Variants in GCGR observed in about 807,000 individuals in gnomAD.
GCGR encodes glucagon receptor.
In GCGR, 41 loss-of-function variants were observed where a neutral mutation model predicts 56.1. The observed-to-expected ratio is 0.73, with a 90% CI of 0.57 to 0.95. The LOEUF (loss-of-function observed/expected upper bound fraction) is 0.95, where lower values mean the gene tolerates loss of function less well. Among genes scored for constraint, GCGR ranks in the 40% least tolerant of loss-of-function variants. GCGR has a pLI of 0.00. For synonymous variants in GCGR, 278 were observed against 271.1 expected (o/e 1.03, Z -0.25); for missense variants, 595 against 638.2 (o/e 0.93, Z 0.73).
chr17:81,809,513 GT>G (rs2038043061), intron 2 of GCGR, among the ~76,000 whole-genome samples: 1 of 111,726 alleles, frequency 9.0e-6, no homozygotes, highest in African/African-American at 2.8e-5. Flanking sequence ...CTGCCTGCCT[GT>G]CTGCCTGCCT....
At chr17:81,809,965 T>G in intron 3 of GCGR, 81 bp downstream of exon 3, 1 of 1,116,454 alleles carries the variant, frequency 9.0e-7, no homozygotes, top group Non-Finnish European at 1.3e-6. Flanking sequence ...GGTTCCTGGG[T>G]GCTTATGCAG....
chr17:81,813,707 G>T lies in GCGR; in HGVS notation c.*18G>T. 6.5e-7 allele frequency: 1 copy of T among 1,531,892 alleles called. No homozygotes were observed. The highest frequency in any genetic ancestry group is 1.2e-5 in the South Asian group (1 of 83,930). The allele number at this position is 1,531,892 out of a possible 1,614,324, so 94.9% of individuals were successfully genotyped here. On this transcript the variant is annotated 3_prime_UTR_variant, in exon 14 of 14. Transcript: ENST00000400723. This position sits in a 1 kb window ranked among gnomAD's most constrained non-coding sequence, Gnocchi z 5.3. ...CCTTCTGAACCCTGCTGGGACCCCA[G>T]CTAGGGCTGGACTCTGGCACCCAGA...
At position 81,806,352 on chromosome 17, in the gene GCGR, G is replaced by T. The variant is rs1051093158; in HGVS notation, c.-178+2103G>T. On this transcript the variant is annotated intron_variant, in intron 1 of 13. Transcript: ENST00000400723. The surrounding 1 kb of genome is among the most constrained non-coding windows in gnomAD (Gnocchi z 6.5). ...GACCCCTAGGGATCCGGGACTAGGGGTGCCCTATGGGGAGCCCACCTGTGG... is the reference window on the plus strand; with the variant it reads ...GACCCCTAGGGATCCGGGACTAGGGTTGCCCTATGGGGAGCCCACCTGTGG... Among the ~76,000 whole-genome samples the T allele has an allele frequency of 1.6e-4, 25 of 152,262 alleles. No homozygotes were observed. The highest frequency in any genetic ancestry group is 5.5e-4 in the African/African-American group (23 of 41,564).
At chr17:81,809,402 TCTGC>T (rs1568250474) in intron 2 of GCGR, among the ~76,000 whole-genome samples, 1 of 137,086 alleles carries the variant, frequency 7.3e-6, no homozygotes, top group African/African-American at 2.8e-5. Flanking sequence ...CGTCTGCCTG[TCTGC>T]CTGTCCGTCT....
Position 81,811,683 on chromosome 17 carries a change from C to T in GCGR, c.690C>T (p.Phe230=), listed in dbSNP as rs931286195. ...AVAGCRVAAV[F]MQYGIVANYC... is the part of the protein sequence containing the mutation. ...CTGGCTGCCGTGTGGCCGCGGTGTTCATGCAATATGGCATCGTGGCCAACT... is the reference window on the plus strand; with the variant it reads ...CTGGCTGCCGTGTGGCCGCGGTGTTTATGCAATATGGCATCGTGGCCAACT... Residue 230 remains phenylalanine, a synonymous_variant, in exon 8 of 14, where the codon TTC becomes TTT. Coordinates refer to ENST00000400723, the MANE Select transcript of GCGR (RefSeq NM_000160.5). The surrounding 1 kb of genome is among the most constrained non-coding windows in gnomAD (Gnocchi z 5.8). The T allele has an allele frequency of 1.3e-6, 2 of 1,539,866 alleles. No individual in the cohort carries two copies. Among genetic ancestry groups the T allele is most frequent in the Non-Finnish European group, 8.7e-7 (1 of 1,148,982 alleles).
rs1479209657 is a variant in GCGR, at chr17:81,810,964, G to C, written c.271+32G>C. The C allele has an allele frequency of 6.5e-7, 1 of 1,533,034 alleles. No homozygotes were observed. Among genetic ancestry groups the C allele is most frequent in the Non-Finnish European group, 8.7e-7 (1 of 1,144,132 alleles). The allele number at this position is 1,533,034 out of a possible 1,614,324, so 95.0% of individuals were successfully genotyped here. ...ATAGAGGGGAGGAACTGTGGGGGGG[G>C]CGGGCCCAGGGTGGGGCTGACCCCA... is the stretch of plus-strand genomic sequence containing the variant. On this transcript the variant is annotated intron_variant, in intron 4 of 13. Coordinates refer to ENST00000400723, the MANE Select transcript of GCGR (RefSeq NM_000160.5). This position sits in a 1 kb window ranked among gnomAD's most constrained non-coding sequence, Gnocchi z 4.6.
chr17:81,809,485 G>T (rs2038041077), intron 2 of GCGR, among the ~76,000 whole-genome samples: 1 of 137,900 alleles, frequency 7.3e-6, no homozygotes, highest in Non-Finnish European at 1.6e-5. Context: ...CTGCCTGCCT[G>T]TCCGTCTGCC....
rs561673111 is a variant in GCGR, at chr17:81,806,804, C to T, written c.-177-2038C>T. 1.1e-4 allele frequency among the ~76,000 whole-genome samples: 17 copies of T among 150,658 alleles called. No homozygotes were observed. The South Asian group carries it at 3.2e-3, about 28-fold the overall frequency. ...CACGCGTCCCCCCCCACCCCCACTT[C>T]GAGGCGCCCAGGCAGGGAACAGCTC... is the stretch of plus-strand genomic sequence containing the variant. On this transcript the variant is annotated intron_variant, in intron 1 of 13. Coordinates refer to ENST00000400723, the MANE Select transcript of GCGR (RefSeq NM_000160.5). This position sits in a 1 kb window ranked among gnomAD's most constrained non-coding sequence, Gnocchi z 6.5.
chr17:81,808,794 C>G, intron 1 of GCGR, 48 bp from the exon 2 acceptor site: 1 of 593,906 alleles, frequency 1.7e-6, no homozygotes, highest in Non-Finnish European at 3.0e-6. Context: ...TCTGGGATTA[C>G]AGGCGTGAGC....
rs375269748 is a variant in GCGR, at chr17:81,807,721, G to A, written c.-177-1121G>A. On this transcript the variant is annotated intron_variant, in intron 1 of 13. Transcript: ENST00000400723. ...CGGGGGCTCATAGCCAGCCACTCGC[G>A]GGACCCCGCACATGCACGTGGACCC... Among the ~76,000 whole-genome samples, 109 of 152,336 alleles carry A rather than the reference G, an allele frequency of 7.2e-4. 3 individuals carry two copies. In the East Asian group the frequency reaches 0.017, roughly 23 times the overall value.
chr17:81,812,424 C>T lies in GCGR; in HGVS notation c.949-153C>T, dbSNP rs984239439. On this transcript the variant is annotated intron_variant, in intron 10 of 13. Coordinates refer to ENST00000400723, the MANE Select transcript of GCGR (RefSeq NM_000160.5). This position sits in a 1 kb window ranked among gnomAD's most constrained non-coding sequence, Gnocchi z 8.5. Reference sequence around the variant, plus strand: ...TGGACACTGAGCCAGGCTGTTCCTCCCTGGCTGTGTGCCCACCAGCCCCAG... The same window carrying T: ...TGGACACTGAGCCAGGCTGTTCCTCTCTGGCTGTGTGCCCACCAGCCCCAG... The T allele has an allele frequency of 2.0e-5, 21 of 1,047,696 alleles. No homozygotes were observed. The highest frequency in any genetic ancestry group is 2.9e-5 in the Non-Finnish European group (21 of 726,568). 64.9% of individuals were successfully genotyped at this position (1,047,696 alleles called of 1,614,324 possible).
rs770253303 is a variant in GCGR, at chr17:81,810,176, C to A, written c.163+292C>A. 1.9e-4 allele frequency: 95 copies of A among 497,728 alleles called. No individual in the cohort carries two copies. The highest frequency in any genetic ancestry group is 3.0e-4 in the Non-Finnish European group (82 of 270,634). 30.8% of individuals were successfully genotyped at this position (497,728 alleles called of 1,614,324 possible). A position where few individuals can be genotyped will look rare whatever the true frequency, so the allele number is the denominator to read the frequency against. On this transcript the variant is annotated intron_variant, in intron 3 of 13. Coordinates refer to ENST00000400723, the MANE Select transcript of GCGR (RefSeq NM_000160.5). This position sits in a 1 kb window ranked among gnomAD's most constrained non-coding sequence, Gnocchi z 4.6. ...CCAGATGGGTAATACCACCTACAGCCCCGTGGAGTTTTCAGTGGGCAGACA... is the reference window on the plus strand; with the variant it reads ...CCAGATGGGTAATACCACCTACAGCACCGTGGAGTTTTCAGTGGGCAGACA...
In GCGR at chr17:81,812,547, A is replaced by G. The variant is rs2038123508; in HGVS notation, c.949-30A>G. 2.0e-6 allele frequency: 3 copies of G among 1,525,300 alleles called. No individual in the cohort carries two copies. Among genetic ancestry groups the G allele is most frequent in the Non-Finnish European group, 2.6e-6 (3 of 1,137,778 alleles). The allele number at this position is 1,525,300 out of a possible 1,614,324, so 94.5% of individuals were successfully genotyped here. A position where few individuals can be genotyped will look rare whatever the true frequency, so the allele number is the denominator to read the frequency against. On this transcript the variant is annotated intron_variant, in intron 10 of 13. Coordinates refer to ENST00000400723, the MANE Select transcript of GCGR (RefSeq NM_000160.5). The surrounding 1 kb of genome is among the most constrained non-coding windows in gnomAD (Gnocchi z 8.5). ...ACAGAGCTGTTCCCTGGGGCTCGGGATGCCCCTGACTCGCACCCTTCTCAC... is the reference window on the plus strand; with the variant it reads ...ACAGAGCTGTTCCCTGGGGCTCGGGGTGCCCCTGACTCGCACCCTTCTCAC...
In GCGR at chr17:81,813,504, C is replaced by G. The variant is rs1306988530; in HGVS notation, c.1249C>G (p.Arg417Gly). 1.3e-6 allele frequency: 2 copies of G among 1,535,502 alleles called. No individual in the cohort carries two copies. Among genetic ancestry groups the G allele is most frequent in the Non-Finnish European group, 1.7e-6 (2 of 1,146,780 alleles). Residue 417 changes from arginine to glycine, a missense_variant, in exon 14 of 14, where the codon CGC becomes GGC. Arg to Gly is a moderately radical substitution (Grantham distance 125). Coordinates refer to ENST00000400723, the MANE Select transcript of GCGR (RefSeq NM_000160.5). The surrounding 1 kb of genome is among the most constrained non-coding windows in gnomAD (Gnocchi z 5.3). ...GTCGGAGCTGCGGCGGCGTTGGCAC[C>G]GCTGGCGCCTGGGCAAAGTGCTATG... is the stretch of plus-strand genomic sequence containing the variant. ...VQSELRRRWH[R>G]WRLGKVLWEE...
In GCGR at chr17:81,811,390, G is replaced by A. The variant is rs377408264; in HGVS notation, c.501-14G>A. On this transcript the variant is annotated splice_polypyrimidine_tract_variant and intron_variant, in intron 6 of 13. Coordinates refer to ENST00000400723, the MANE Select transcript of GCGR (RefSeq NM_000160.5). The surrounding 1 kb of genome is among the most constrained non-coding windows in gnomAD (Gnocchi z 5.8). Reference sequence around the variant, plus strand: ...ACAGGGAGGAGGACGGGCGCTGACTGGCTGTGCCCACAGCAAGCTGCACTG... The same window carrying A: ...ACAGGGAGGAGGACGGGCGCTGACTAGCTGTGCCCACAGCAAGCTGCACTG... 83 of 1,536,136 alleles carry A rather than the reference G, an allele frequency of 5.4e-5. 1 individual carries two copies. In the African/African-American group the frequency reaches 1.1e-3, roughly 20 times the overall value.
chr17:81,809,446 C>CCTGCCTGCCTGT (rs1568250533), intron 2 of GCGR, among the ~76,000 whole-genome samples: 1 of 128,576 alleles, frequency 7.8e-6, no homozygotes, highest in African/African-American at 3.0e-5. Context: ...TGTCCGTCTG[C>CCTGCCTGCCTGT]CTGCCTGCCT....
In GCGR at chr17:81,813,700, G is replaced by A. The variant is rs1363715719; in HGVS notation, c.*11G>A. ...GAGAGCCCCTTCTGAACCCTGCTGGGACCCCAGCTAGGGCTGGACTCTGGC... is the reference window on the plus strand; with the variant it reads ...GAGAGCCCCTTCTGAACCCTGCTGGAACCCCAGCTAGGGCTGGACTCTGGC... On this transcript the variant is annotated 3_prime_UTR_variant, in exon 14 of 14. Coordinates refer to ENST00000400723, the MANE Select transcript of GCGR (RefSeq NM_000160.5). The surrounding 1 kb of genome is among the most constrained non-coding windows in gnomAD (Gnocchi z 5.3). 3.3e-6 allele frequency: 5 copies of A among 1,533,294 alleles called. No homozygotes were observed. The highest frequency in any genetic ancestry group is 4.4e-6 in the Non-Finnish European group (5 of 1,145,666). The allele number at this position is 1,533,294 out of a possible 1,614,324, so 95.0% of individuals were successfully genotyped here.
chr17:81,809,347 T>G (rs1396319278), intron 2 of GCGR, among the ~76,000 whole-genome samples: 2 of 141,550 alleles, frequency 1.4e-5, no homozygotes, highest in Non-Finnish European at 3.0e-5. Flanking sequence ...TGCCTGCCTG[T>G]CTGTCGGCCT....
Position 81,808,914 on chromosome 17 carries a change from C to A in GCGR, c.-105C>A. 7.2e-7 allele frequency: 1 copy of A among 1,395,330 alleles called. No individual in the cohort carries two copies. Among genetic ancestry groups the A allele is most frequent in the Non-Finnish European group, 9.8e-7 (1 of 1,020,704 alleles). The allele number at this position is 1,395,330 out of a possible 1,614,324, so 86.4% of individuals were successfully genotyped here. On this transcript the variant is annotated 5_prime_UTR_variant, in exon 2 of 14. It adds an upstream start codon to the 5' untranslated region. Coordinates refer to ENST00000400723, the MANE Select transcript of GCGR (RefSeq NM_000160.5). ...CCAGGACGCCCCAGGCTCTGCTGCT[C>A]TGCCACTCAGCTGCCCTCGGAGGAG...
Sources: gnomAD v4.1 joint callset for allele counts (sites outside exome capture counted in the v4.1 genomes callset) on GRCh38, gnomAD v4.1.1 for gene constraint, Gnocchi (gnomAD v3.1) non-coding constraint, MANE v1.5 for transcripts, NCBI Gene and HGNC (gene_info 2026-07-23, HGNC 2026-07-21) for gene names.